The following CREB5 variants were observed in gnomAD, a reference collection of about 807,000 sequenced individuals.
The protein encoded by CREB5 is cyclic AMP-responsive element-binding protein 5.
CREB5 carries 19 observed loss-of-function variants against 57.1 expected under a neutral mutation model. The observed-to-expected ratio is 0.33, with a 90% CI of 0.23 to 0.49. The LOEUF (loss-of-function observed/expected upper bound fraction) is 0.49. Among genes scored for constraint, CREB5 ranks in the 20% least tolerant of loss-of-function variants. CREB5 has a pLI of 0.99. For missense variants in CREB5, 579 were observed against 671.6 expected, an observed-to-expected ratio of 0.86 and a Z score of 1.52; for synonymous variants, 238 against 238.3, an observed-to-expected ratio of 1.00 and a Z score of 0.01.
chr7:28,323,628 C>T (rs1248386935), intron 1 of CREB5, among the ~76,000 whole-genome samples: 1 of 152,156 alleles, frequency 6.6e-6, no homozygotes, highest in Admixed American at 6.5e-5. Context: ...AACATCCCTA[C>T]TCTGTCTAGG....
intron 1 of CREB5, among the ~76,000 whole-genome samples, chr7:28,390,145 A>G (rs901105624): frequency 9.9e-5 from 15 of 151,474 alleles, no homozygotes; most frequent in African/African-American, 3.6e-4. Flanking sequence ...ACCATCGCTT[A>G]TTTGTCTTTT....
chr7:28,471,933 A>G (rs1237568319), intron 1 of CREB5, among the ~76,000 whole-genome samples: 2 of 146,156 alleles, frequency 1.4e-5, no homozygotes, highest in Non-Finnish European at 3.0e-5. Context: ...AAATCACAAT[A>G]AGATAAAACA....
chr7:28,729,933 T>G (rs144404607), intron 7 of CREB5, among the ~76,000 whole-genome samples: 222 of 152,312 alleles, frequency 1.5e-3, no homozygotes, highest in African/African-American at 5.0e-3. Flanking sequence ...TGAAAACCAC[T>G]GTCCACCATG....
intron 1 of CREB5, among the ~76,000 whole-genome samples, chr7:28,399,740 C>A (rs982173970): frequency 5.9e-5 from 9 of 152,068 alleles, no homozygotes; most frequent in Non-Finnish European, 1.3e-4. Context: ...CATAGCAAGA[C>A]CTTGTCTCTA....
intron 5 of CREB5, among the ~76,000 whole-genome samples, chr7:28,582,706 A>T (rs528901898): frequency 1.3e-4 from 20 of 152,280 alleles, no homozygotes; most frequent in Admixed American, 5.2e-4. Flanking sequence ...AGAACTTACA[A>T]ATTTTGTTAA....
intron 5 of CREB5, among the ~76,000 whole-genome samples, chr7:28,602,196 G>A (rs887616692): frequency 3.3e-5 from 5 of 151,940 alleles, no homozygotes; most frequent in South Asian, 2.1e-4. Context: ...GTGCGATCTC[G>A]GCTCACTGCA....
chr7:28,309,840 T>A (rs929861193), intron 1 of CREB5, among the ~76,000 whole-genome samples: 2 of 152,188 alleles, frequency 1.3e-5, no homozygotes, highest in Admixed American at 1.3e-4. Context: ...CTTCTCTGAT[T>A]TCTGCCACTG....
intron 4 of CREB5, among the ~76,000 whole-genome samples, chr7:28,508,054 G>A (rs1461936959): frequency 6.6e-6 from 1 of 152,180 alleles, no homozygotes; most frequent in Non-Finnish European, 1.5e-5. Flanking sequence ...GAGAACAGGC[G>A]AGTAATCTTC....
At chr7:28,770,101 C>A (rs1027660388) in intron 7 of CREB5, among the ~76,000 whole-genome samples, 1 of 152,182 alleles carries the variant, frequency 6.6e-6, no homozygotes, top group Non-Finnish European at 1.5e-5. Context: ...GCATTCCTGT[C>A]TCTAATGGAA....
chr7:28,477,940 C>A (rs1271015643), intron 1 of CREB5, among the ~76,000 whole-genome samples: 1 of 152,024 alleles, frequency 6.6e-6, no homozygotes, highest in Non-Finnish European at 1.5e-5. Context: ...CACAGGGAGA[C>A]CCTATCTCTA....
intron 1 of CREB5, among the ~76,000 whole-genome samples, chr7:28,463,368 C>A (rs1303757615): frequency 6.6e-6 from 1 of 152,132 alleles, no homozygotes; most frequent in African/African-American, 2.4e-5. Flanking sequence ...ATGTGTGAAT[C>A]TTCCAACTTT....
chr7:28,737,587 ATT>A (rs1164018148), intron 7 of CREB5, among the ~76,000 whole-genome samples: 4 of 102,752 alleles, frequency 3.9e-5, no homozygotes, highest in East Asian at 3.3e-4. Context: ...ATATATATAT[ATT>A]TTTAACTCCT....
chr7:28,306,555 GTTTTTTTTT>G (rs869277871), intron 1 of CREB5, among the ~76,000 whole-genome samples: 2 of 58,084 alleles, frequency 3.4e-5, no homozygotes, highest in Non-Finnish European at 6.2e-5. Flanking sequence ...TGTTTTTTTT[GTTTTTTTTT>G]TTTTTTTTTT....
intron 1 of CREB5, among the ~76,000 whole-genome samples, chr7:28,449,169 CT>C (rs1335802014): frequency 6.6e-5 from 10 of 152,212 alleles, no homozygotes; most frequent in African/African-American, 2.4e-4. Flanking sequence ...ATCATTTCCC[CT>C]GACCACTCAC....
intron 1 of CREB5, among the ~76,000 whole-genome samples, chr7:28,422,251 G>A (rs1293767789): frequency 6.6e-6 from 1 of 152,144 alleles, no homozygotes. Flanking sequence ...GAAGGAGATG[G>A]TTTGCTGTGT....
chr7:28,541,204 T>G (rs1208857562), intron 4 of CREB5, among the ~76,000 whole-genome samples: 1 of 152,204 alleles, frequency 6.6e-6, no homozygotes, highest in Non-Finnish European at 1.5e-5. Flanking sequence ...TATAAAAGCT[T>G]GTGAAAGTAT....
At chr7:28,523,705 C>T (rs189112049) in intron 4 of CREB5, among the ~76,000 whole-genome samples, 1 of 152,330 alleles carries the variant, frequency 6.6e-6, no homozygotes, top group Non-Finnish European at 1.5e-5. Context: ...TGTGCTTGCC[C>T]ATGCAGTTAT....
chr7:28,788,139 G>A (rs1289154125), intron 7 of CREB5, among the ~76,000 whole-genome samples: 1 of 152,094 alleles, frequency 6.6e-6, no homozygotes, highest in Non-Finnish European at 1.5e-5. Context: ...GACATTCTGG[G>A]CTGGATAATT....
intron 4 of CREB5, among the ~76,000 whole-genome samples, chr7:28,560,225 G>A (rs1193581740): frequency 6.6e-6 from 1 of 152,184 alleles, no homozygotes; most frequent in East Asian, 1.9e-4. Context: ...CAGAGAGAAG[G>A]AGAGGAAATT....
Sources: allele counts gnomAD v4.1 joint callset (sites outside exome capture counted in the v4.1 genomes callset), GRCh38; gene constraint gnomAD v4.1.1; transcripts MANE v1.5; gene names NCBI Gene and HGNC (gene_info 2026-07-23, HGNC 2026-07-21).